SCN3A: variants seen among roughly 807,000 people sequenced by gnomAD.
SCN3A encodes sodium channel protein type 3 subunit alpha.
In SCN3A, 60 loss-of-function variants were observed where a neutral mutation model predicts 187.6. The observed-to-expected ratio is 0.32, with a 90% CI of 0.26 to 0.40. The LOEUF is 0.40. Ranked by LOEUF, SCN3A falls within the 10% of genes least tolerant of loss-of-function variation. The pLI, the probability that SCN3A is intolerant of heterozygous loss-of-function variation, is 1.00. For synonymous variants in SCN3A, 788 were observed against 829.2 expected, an observed-to-expected ratio of 0.95 and a Z score of 0.85; for missense variants, 1,601 against 2,428.2, an observed-to-expected ratio of 0.66 and a Z score of 7.16.
chr2:165,087,663 G>C lies in SCN3A; in HGVS notation c.*2487C>G, dbSNP rs1178501891. ...GGTTTTGACCTCACATAAATCCAAGGGTTCTTGAAAAAAAAGTTAATATAA... is the reference window on the plus strand; with the variant it reads ...GGTTTTGACCTCACATAAATCCAAGCGTTCTTGAAAAAAAAGTTAATATAA... On this transcript the variant is annotated 3_prime_UTR_variant, in exon 28 of 28. Transcript: ENST00000283254. The C allele has an allele frequency of 2.6e-5, 4 of 150,966 alleles. No individual in the cohort carries two copies. Among genetic ancestry groups the C allele is most frequent in the Non-Finnish European group, 5.9e-5 (4 of 67,734 alleles). 9.4% of individuals were successfully genotyped at this position (150,966 alleles called of 1,614,324 possible). A position where few individuals can be genotyped will look rare whatever the true frequency, so the allele number is the denominator to read the frequency against.
chr2:165,136,125 T>C (rs1687644337), intron 15 of SCN3A, among the ~76,000 whole-genome samples: 1 of 152,166 alleles, frequency 6.6e-6, no homozygotes, highest in Non-Finnish European at 1.5e-5. Context: ...ATATTTACCA[T>C]GAACACTTTG....
intron 2 of SCN3A, among the ~76,000 whole-genome samples, chr2:165,183,536 T>A (rs1691023304): frequency 6.6e-6 from 1 of 152,200 alleles, no homozygotes; most frequent in South Asian, 2.1e-4. Flanking sequence ...TGTTAATGAA[T>A]CAGAATCTAG....
intron 25 of SCN3A, among the ~76,000 whole-genome samples, chr2:165,095,138 G>C (rs1221773361): frequency 6.6e-6 from 1 of 152,168 alleles, no homozygotes; most frequent in East Asian, 1.9e-4. Flanking sequence ...AGCTCATATA[G>C]ATGTATGGGT....
chr2:165,112,707 T>C (rs1254038480), intron 21 of SCN3A, among the ~76,000 whole-genome samples, 178 bp downstream of exon 21: 3 of 152,184 alleles, frequency 2.0e-5, no homozygotes, highest in Non-Finnish European at 4.4e-5. Context: ...CCCATGTTTT[T>C]AGGACCTCCT....
intron 5 of SCN3A, among the ~76,000 whole-genome samples, chr2:165,167,130 C>G (rs1323080483): frequency 6.6e-6 from 1 of 152,064 alleles, no homozygotes; most frequent in East Asian, 1.9e-4. Context: ...CAAACTCCAA[C>G]TGCCTTCTTT....
chr2:165,147,890 G>A (rs1688448235), intron 11 of SCN3A, among the ~76,000 whole-genome samples: 1 of 152,082 alleles, frequency 6.6e-6, no homozygotes, highest in Non-Finnish European at 1.5e-5. Flanking sequence ...ATGACATACA[G>A]AGGATATGAA....
rs576415877 is a variant in SCN3A, at chr2:165,197,185, TTAAG to T, written c.-248+6634_-248+6637del. Among the ~76,000 whole-genome samples the T allele has an allele frequency of 2.6e-5, 4 of 152,290 alleles. No individual in the cohort carries two copies. The South Asian group carries it at 8.3e-4, about 32-fold the overall frequency. On this transcript the variant is annotated intron_variant, in intron 1 of 27. Coordinates refer to ENST00000283254, the MANE Select transcript of SCN3A (RefSeq NM_006922.4). The stretch of plus-strand genomic sequence containing the variant: ...CACAAGTGTATTTTTTGTTGCTTCC[TTAAG>T]TATTTGCATAATATCTTTACTTAAC...
chr2:165,163,658 G>C lies in SCN3A; in HGVS notation c.654C>G (p.Phe218Leu). The change falls in exon 7 of 28, where the codon TTC becomes TTG. Residue 218 changes from phenylalanine to leucine, a missense_variant. By Grantham distance (22) the Phe-to-Leu change is conservative. Transcript: ENST00000283254. ...TTGTTTTCAGTGCTCGGAGAACTCTGAATGTTCTCAACGCTGAGACATTGC... is the reference window on the plus strand; with the variant it reads ...TTGTTTTCAGTGCTCGGAGAACTCTCAATGTTCTCAACGCTGAGACATTGC... ...DLGNVSALRT[F>L]RVLRALKTIS... 1 of 1,614,062 alleles carries C rather than the reference G, an allele frequency of 6.2e-7. No individual in the cohort carries two copies. The highest frequency in any genetic ancestry group is 8.5e-7 in the Non-Finnish European group (1 of 1,179,990).
rs936991027 is a variant in SCN3A, at chr2:165,088,271, T to C, written c.*1879A>G. ...AATAGTTTTGTAAAAAGAATTAACA[T>C]TAAACTTTTGGTTTGTGCAAAAAAC... On this transcript the variant is annotated 3_prime_UTR_variant, in exon 28 of 28. Transcript: ENST00000283254. 1.3e-5 allele frequency: 2 copies of C among 152,518 alleles called. No individual in the cohort carries two copies. Among genetic ancestry groups the C allele is most frequent in the Admixed American group, 6.6e-5 (1 of 15,266 alleles). 9.4% of individuals were successfully genotyped at this position (152,518 alleles called of 1,614,324 possible).
intron 18 of SCN3A, among the ~76,000 whole-genome samples, chr2:165,116,713 A>G (rs1367799846): frequency 6.6e-6 from 1 of 152,124 alleles, no homozygotes; most frequent in Non-Finnish European, 1.5e-5. Flanking sequence ...GTAGTTTAAT[A>G]TTTTACAATG....
intron 21 of SCN3A, among the ~76,000 whole-genome samples, chr2:165,106,985 A>C (rs1296807553): frequency 6.6e-6 from 1 of 152,128 alleles, no homozygotes; most frequent in Non-Finnish European, 1.5e-5. Flanking sequence ...TTGCTGATTG[A>C]TTGGTTGTGA....
intron 22 of SCN3A, among the ~76,000 whole-genome samples, chr2:165,099,590 A>G (rs939187856): frequency 1.3e-5 from 2 of 152,096 alleles, no homozygotes; most frequent in East Asian, 1.9e-4. Flanking sequence ...GGTGGCGGGC[A>G]CCTGTAGTCC....
Position 165,090,124 on chromosome 2 carries a change from TCA to T in SCN3A, c.*24_*25del, listed in dbSNP as rs1685004923. ...ACCTTCATAGGCTGTAAACAATTGA[TCA>T]CAAAGATAATTCTTTGTTTCTTTTT... is the stretch of plus-strand genomic sequence containing the variant. On this transcript the variant is annotated 3_prime_UTR_variant, in exon 28 of 28. Coordinates refer to ENST00000283254, the MANE Select transcript of SCN3A (RefSeq NM_006922.4). This position sits in a 1 kb window ranked among gnomAD's most constrained non-coding sequence, Gnocchi z 4.0. 2 of 1,556,204 alleles carry T rather than the reference TCA, an allele frequency of 1.3e-6. No individual in the cohort carries two copies. Among genetic ancestry groups the T allele is most frequent in the African/African-American group, 2.7e-5 (2 of 73,730 alleles).
At chr2:165,117,898 T>C (rs1021760780) in intron 18 of SCN3A, among the ~76,000 whole-genome samples, 3 of 152,234 alleles carry the variant, frequency 2.0e-5, no homozygotes, top group African/African-American at 7.2e-5. Context: ...ACTGCTAATA[T>C]AATTGTGAGA....
chr2:165,179,776 T>C (rs1690718400), intron 2 of SCN3A: 1 of 152,186 alleles, frequency 6.6e-6, no homozygotes, highest in Non-Finnish European at 1.5e-5. Context: ...ATGGCTTCAA[T>C]GACAATTTTG....
chr2:165,138,033 C>G lies in SCN3A; in HGVS notation c.2237G>C (p.Trp746Ser), dbSNP rs1437589212. 2 of 1,613,542 alleles carry G rather than the reference C, an allele frequency of 1.2e-6. No homozygotes were observed. Among genetic ancestry groups the G allele is most frequent in the South Asian group, 2.2e-5 (2 of 91,068 alleles). Residue 746 changes from tryptophan to serine, a missense_variant, in exon 15 of 28, where the codon TGG becomes TCG. Coordinates refer to ENST00000283254, the MANE Select transcript of SCN3A (RefSeq NM_006922.4). ...VFLIWDCCDA[W>S]LKVKHLVNLI... ...ATTCACAAGATGTTTTACTTTTAAC[C>G]ATGCATCACAGCAGTCCCAGATCAA...
At chr2:165,128,159 G>T in intron 17 of SCN3A, 58 bp from the exon 18 acceptor site, 1 of 1,298,512 alleles carries the variant, frequency 7.7e-7, no homozygotes. Context: ...TTAAATAACA[G>T]CCTAAAAAGG....
chr2:165,105,282 T>C (rs574514864), intron 21 of SCN3A, among the ~76,000 whole-genome samples: 19 of 152,334 alleles, frequency 1.2e-4, no homozygotes, highest in African/African-American at 4.1e-4. Context: ...AACAGTTATC[T>C]ACATTGTTGT....
intron 2 of SCN3A, among the ~76,000 whole-genome samples, chr2:165,176,742 A>G (rs1457209133): frequency 6.6e-6 from 1 of 152,112 alleles, no homozygotes; most frequent in East Asian, 1.9e-4. Context: ...AATATCTATA[A>G]TTTTGTCCAT....
Sources: allele counts gnomAD v4.1 joint callset (sites outside exome capture counted in the v4.1 genomes callset), GRCh38; gene constraint gnomAD v4.1.1; non-coding constraint Gnocchi (gnomAD v3.1); transcripts MANE v1.5; gene names NCBI Gene and HGNC (gene_info 2026-07-23, HGNC 2026-07-21).